Variants in CEP63 observed in about 807,000 individuals in gnomAD.
CEP63 encodes centrosomal protein of 63 kDa.
A neutral mutation model predicts 89.1 loss-of-function variants in CEP63; 84 were observed. The ratio of observed to expected loss-of-function variants is 0.94; its 90% CI spans 0.79 to 1.13. CEP63 has a LOEUF of 1.13. Among genes scored for constraint, CEP63 ranks in the 50% most tolerant of loss-of-function variants. The pLI is 0.00. For missense variants in CEP63, 838 were observed against 813.3 expected (o/e 1.03, Z -0.37); for synonymous variants, 267 against 272.5 (o/e 0.98, Z 0.20).
the CEP63 span, among the ~76,000 whole-genome samples, chr3:134,596,835 G>A: frequency 0.016 from 2,458 of 152,316 alleles, 56 homozygotes; most frequent in African/African-American, 0.055. Flanking sequence ...GAGCAACAAA[G>A]TGTGACATGA....
chr3:134,640,882 C>T, the CEP63 span, among the ~76,000 whole-genome samples: 1 of 152,164 alleles, frequency 6.6e-6, no homozygotes, highest in Non-Finnish European at 1.5e-5. Flanking sequence ...CAACCTTGCC[C>T]CCTCTGTTTA....
chr3:134,651,119 A>G, the CEP63 span: 1 of 1,500,670 alleles, frequency 6.7e-7, no homozygotes, highest in South Asian at 1.3e-5. Context: ...CTTTTCGCTG[A>G]CTCTGCCAAA....
the CEP63 span, among the ~76,000 whole-genome samples, chr3:134,753,427 T>C: frequency 6.6e-5 from 10 of 152,216 alleles, no homozygotes; most frequent in African/African-American, 2.2e-4. Flanking sequence ...ATCCCTCTGA[T>C]GGCCCACATG....
At chr3:134,716,407 C>A in the CEP63 span, among the ~76,000 whole-genome samples, 1 of 152,170 alleles carries the variant, frequency 6.6e-6, no homozygotes, top group Non-Finnish European at 1.5e-5. Flanking sequence ...GTAGGTATGA[C>A]CCCTTCCCCA....
the CEP63 span, among the ~76,000 whole-genome samples, chr3:134,654,770 T>C: frequency 4.6e-5 from 7 of 152,194 alleles, no homozygotes; most frequent in Non-Finnish European, 8.8e-5. Flanking sequence ...CTCATGAATG[T>C]GGTTTCACAG....
chr3:134,677,201 G>A, the CEP63 span, among the ~76,000 whole-genome samples: 3 of 152,150 alleles, frequency 2.0e-5, no homozygotes, highest in Admixed American at 2.0e-4. Context: ...GGAGGTTGCA[G>A]TGAGCGCAGA....
chr3:134,744,630 T>C, the CEP63 span, among the ~76,000 whole-genome samples: 5 of 152,188 alleles, frequency 3.3e-5, no homozygotes, highest in African/African-American at 9.7e-5. Context: ...TCCCCCTGCC[T>C]CAGTCTCCTG....
the CEP63 span, among the ~76,000 whole-genome samples, chr3:134,667,892 C>T: frequency 1.3e-5 from 2 of 152,198 alleles, no homozygotes; most frequent in African/African-American, 4.8e-5. Flanking sequence ...TGATACAGAG[C>T]AAAGTAGGCA....
chr3:134,536,301 G>A (rs1950767130), intron 5 of CEP63: 1 of 152,308 alleles, frequency 6.6e-6, no homozygotes, highest in Non-Finnish European at 1.5e-5. Context: ...GACTCCTAAA[G>A]CAGTACCTGG....
At chr3:134,512,799 T>G (rs767657429) in intron 3 of CEP63, among the ~76,000 whole-genome samples, 2 of 152,356 alleles carry the variant, frequency 1.3e-5, no homozygotes, top group Non-Finnish European at 2.9e-5. Context: ...GTGTATATCT[T>G]AATTTTTTGT....
chr3:134,616,671 C>G, the CEP63 span, among the ~76,000 whole-genome samples: 1 of 152,160 alleles, frequency 6.6e-6, no homozygotes, highest in African/African-American at 2.4e-5. Context: ...TAATGATAAG[C>G]TGCAGGCCAG....
chr3:134,737,189 T>G, the CEP63 span, among the ~76,000 whole-genome samples: 3 of 152,166 alleles, frequency 2.0e-5, no homozygotes, highest in Non-Finnish European at 4.4e-5. Context: ...AAAAAACACA[T>G]TCAATATTTT....
At chr3:134,553,454 A>G (rs1038899673) in intron 12 of CEP63, 6 of 152,150 alleles carry the variant, frequency 3.9e-5, no homozygotes, top group Non-Finnish European at 7.3e-5. Context: ...AATATATAAA[A>G]ATTCCCTACA....
rs769042572 is a variant in CEP63 at position 134,523,075 on chromosome 3, CTT to C, written c.223-8767_223-8766del. 4.1e-4 allele frequency among the ~76,000 whole-genome samples: 62 copies of C among 152,222 alleles called. 1 individual carries two copies. The highest frequency in any genetic ancestry group is 1.1e-3 in the Admixed American group (17 of 15,294). On this transcript the variant is annotated intron_variant, in intron 3 of 14. Transcript: ENST00000675561. Reference sequence around the variant, plus strand: ...CTTGCCAGCATCTGTTATATTTTGACTTTTAAATAATAGCCATTCTGACCAAT... The same window carrying C: ...CTTGCCAGCATCTGTTATATTTTGACTTAAATAATAGCCATTCTGACCAAT...
At chr3:134,581,826 C>T (rs957663177) in intron 10 of CEP63, among the ~76,000 whole-genome samples, 1 of 150,146 alleles carries the variant, frequency 6.7e-6, no homozygotes, top group Non-Finnish European at 1.5e-5. Flanking sequence ...CAGGCGCCCG[C>T]TACCACGCCC....
the CEP63 span, among the ~76,000 whole-genome samples, chr3:134,762,575 G>A: frequency 9.2e-6 from 1 of 108,142 alleles, no homozygotes; most frequent in African/African-American, 3.5e-5. Context: ...CTCATAAGAA[G>A]GGGAAATTTG....
chr3:134,586,600 T>C (rs143222704), intron 10 of CEP63, among the ~76,000 whole-genome samples: 2,459 of 152,240 alleles, frequency 0.016, 58 homozygotes, highest in African/African-American at 0.055. Flanking sequence ...GTAACCCAAC[T>C]TTTCTCTCTG....
At chr3:134,700,568 TA>T in the CEP63 span, among the ~76,000 whole-genome samples, 2 of 152,080 alleles carry the variant, frequency 1.3e-5, no homozygotes, top group Non-Finnish European at 2.9e-5. Flanking sequence ...GGTTTTTAGT[TA>T]TTTTTTTTTT....
At chr3:134,622,064 A>G in the CEP63 span, among the ~76,000 whole-genome samples, 1 of 152,226 alleles carries the variant, frequency 6.6e-6, no homozygotes, top group Non-Finnish European at 1.5e-5. Flanking sequence ...CCAGAAAATA[A>G]TGTGTTGGCA....
Sources: allele counts gnomAD v4.1 joint callset (sites outside exome capture counted in the v4.1 genomes callset), GRCh38; gene constraint gnomAD v4.1.1; transcripts MANE v1.5; gene names NCBI Gene and HGNC (gene_info 2026-07-23, HGNC 2026-07-21).